The following GNAQ variants were observed in gnomAD, a reference collection of about 807,000 sequenced individuals.
The protein encoded by GNAQ is G protein subunit alpha q.
GNAQ carries 8 observed loss-of-function variants against 43.9 expected under a neutral mutation model. That is an observed-to-expected ratio of 0.18 (90% CI 0.11 to 0.33). GNAQ has a LOEUF of 0.33. Among genes scored for constraint, GNAQ ranks in the 10% least tolerant of loss-of-function variants. The pLI is 1.00. For synonymous variants in GNAQ, 155 were observed against 170.7 expected, an observed-to-expected ratio of 0.91 and a Z score of 0.71; for missense variants, 158 against 450.8, an observed-to-expected ratio of 0.35 and a Z score of 5.88.
intron 2 of GNAQ, among the ~76,000 whole-genome samples, chr9:77,909,609 C>T (rs533034275): frequency 6.0e-5 from 9 of 151,094 alleles, no homozygotes; most frequent in Non-Finnish European, 1.0e-4. Context: ...CTCATCTCAG[C>T]GGGGATATCA....
At chr9:77,828,059 CAAAAAAAAAAAAA>C (rs71360654) in intron 2 of GNAQ, among the ~76,000 whole-genome samples, 416 of 19,256 alleles carry the variant, frequency 0.022, 7 homozygotes, top group African/African-American at 0.077. Flanking sequence ...GACTCCTCCT[CAAAAAAAAAAAAA>C]AAAAAAAAAA....
At chr9:77,801,703 C>A (rs1479265280) in intron 3 of GNAQ, among the ~76,000 whole-genome samples, 1 of 152,120 alleles carries the variant, frequency 6.6e-6, no homozygotes, top group East Asian at 1.9e-4. Context: ...CATACATCAT[C>A]TAGAACCAAA....
At chr9:77,966,960 C>T (rs1823175358) in intron 1 of GNAQ, among the ~76,000 whole-genome samples, 1 of 152,146 alleles carries the variant, frequency 6.6e-6, no homozygotes, top group Admixed American at 6.5e-5. Context: ...GCCCTAGGTT[C>T]GGGCAGTCCG....
intron 1 of GNAQ, among the ~76,000 whole-genome samples, chr9:78,019,662 C>A (rs1823881484): frequency 6.6e-6 from 1 of 151,980 alleles, no homozygotes; most frequent in Admixed American, 6.5e-5. Flanking sequence ...GTGGCTCAAG[C>A]CTATAATCCC....
At position 77,815,609 on chromosome 9, in the gene GNAQ, T is replaced by C; in HGVS notation, c.476+7A>G. The C allele has an allele frequency of 6.3e-7, 1 of 1,584,868 alleles. No homozygotes were observed. The highest frequency in any genetic ancestry group is 1.3e-5 in the African/African-American group (1 of 74,244). On this transcript the variant is annotated splice_region_variant and intron_variant, in intron 3 of 6. Transcript: ENST00000286548. ...AAATCCATAGGGCCACCTGGAAAGA[T>C]ACTCACTATTTGGTAGAGTCAGATA...
chr9:77,843,699 G>A (rs559104750), intron 2 of GNAQ, among the ~76,000 whole-genome samples: 14 of 152,268 alleles, frequency 9.2e-5, no homozygotes, highest in African/African-American at 2.6e-4. Context: ...AAGTCTACAG[G>A]GAACCTAAAG....
chr9:77,771,911 C>CAAA (rs551982564), intron 5 of GNAQ, among the ~76,000 whole-genome samples: 1 of 150,804 alleles, frequency 6.6e-6, no homozygotes, highest in Non-Finnish European at 1.5e-5. Context: ...TCAAAAACAA[C>CAAA]AAAAAAAAAC....
chr9:77,753,560 G>A (rs1825851424), intron 5 of GNAQ, among the ~76,000 whole-genome samples: 1 of 152,208 alleles, frequency 6.6e-6, no homozygotes, highest in Non-Finnish European at 1.5e-5. Context: ...AGTCAAGGAT[G>A]TCTGAAATTA....
intron 2 of GNAQ, among the ~76,000 whole-genome samples, chr9:77,877,599 A>G (rs952788146): frequency 2.6e-5 from 4 of 152,174 alleles, no homozygotes; most frequent in African/African-American, 7.2e-5. Flanking sequence ...GAGGAGTGTG[A>G]AAACAATTAC....
At chr9:77,854,291 CTT>C (rs1195024623) in intron 2 of GNAQ, among the ~76,000 whole-genome samples, 3 of 152,110 alleles carry the variant, frequency 2.0e-5, no homozygotes, top group African/African-American at 7.2e-5. Context: ...AATTGATCAA[CTT>C]TGAGGTTTGA....
intron 5 of GNAQ, among the ~76,000 whole-genome samples, chr9:77,762,009 G>A (rs1249751773): frequency 9.0e-5 from 11 of 122,576 alleles, no homozygotes; most frequent in South Asian, 5.5e-4. Context: ...GCCTCTGCCC[G>A]GCCGCCCCTC....
At chr9:77,820,479 TGTGA>T (rs774181791) in intron 2 of GNAQ, among the ~76,000 whole-genome samples, 3 of 152,202 alleles carry the variant, frequency 2.0e-5, no homozygotes, top group Non-Finnish European at 4.4e-5. Context: ...GGGTTCTCAT[TGTGA>T]GTGATTCACT....
At chr9:77,907,417 G>A (rs1481593056) in intron 2 of GNAQ, among the ~76,000 whole-genome samples, 2 of 152,134 alleles carry the variant, frequency 1.3e-5, no homozygotes, top group Non-Finnish European at 2.9e-5. Context: ...GAATATATGA[G>A]CTTTCCTATA....
intron 5 of GNAQ, among the ~76,000 whole-genome samples, chr9:77,780,952 ATTTT>A (rs35437600): frequency 2.2e-4 from 29 of 130,452 alleles, no homozygotes; most frequent in Middle Eastern, 4.1e-3. Context: ...TATTAATTGG[ATTTT>A]TTTTTTTTTT....
intron 5 of GNAQ, among the ~76,000 whole-genome samples, chr9:77,787,029 A>C (rs1480132660): frequency 6.6e-6 from 1 of 152,244 alleles, no homozygotes; most frequent in Non-Finnish European, 1.5e-5. Flanking sequence ...CATAGAATGC[A>C]TATACCTTAC....
chr9:77,920,025 G>C (rs1828973209), intron 2 of GNAQ, among the ~76,000 whole-genome samples: 1 of 152,076 alleles, frequency 6.6e-6, no homozygotes, highest in Non-Finnish European at 1.5e-5. Flanking sequence ...TGTAGTCCCA[G>C]CTACTTGGGA....
At chr9:77,907,154 T>G (rs960193904) in intron 2 of GNAQ, among the ~76,000 whole-genome samples, 2 of 152,228 alleles carry the variant, frequency 1.3e-5, no homozygotes, top group Non-Finnish European at 2.9e-5. Flanking sequence ...CATGGGCAAG[T>G]TATTTTTCTG....
intron 3 of GNAQ, among the ~76,000 whole-genome samples, chr9:77,808,213 C>G (rs1826857900): frequency 6.6e-6 from 1 of 151,986 alleles, no homozygotes; most frequent in Non-Finnish European, 1.5e-5. Context: ...GCCCTTTTTC[C>G]TGTTCCTTCT....
intron 5 of GNAQ, among the ~76,000 whole-genome samples, chr9:77,738,056 A>G (rs1040831376): frequency 6.6e-6 from 1 of 152,246 alleles, no homozygotes; most frequent in Non-Finnish European, 1.5e-5. Context: ...GAAGGCCAAA[A>G]GAATGCATTT....
Sources: allele counts gnomAD v4.1 joint callset (sites outside exome capture counted in the v4.1 genomes callset), GRCh38; gene constraint gnomAD v4.1.1; transcripts MANE v1.5; gene names NCBI Gene and HGNC (gene_info 2026-07-23, HGNC 2026-07-21).